Variants in TTC28 observed in about 807,000 individuals in gnomAD.
The protein encoded by TTC28 is tetratricopeptide repeat protein 28.
In TTC28, 61 loss-of-function variants were observed where a neutral mutation model predicts 198.0. The observed-to-expected ratio is 0.31, with a 90% CI of 0.25 to 0.38. TTC28 has a LOEUF of 0.38. Ranked by LOEUF, TTC28 falls within the 10% of genes least tolerant of loss-of-function variation. The pLI, the probability that TTC28 is intolerant of heterozygous loss-of-function variation, is 1.00. For missense variants in TTC28, 2,678 were observed against 3,164.0 expected (o/e 0.85, Z 3.69); for synonymous variants, 1,171 against 1,297.8 (o/e 0.90, Z 2.10).
At chr22:28,129,305 C>T (rs1274139137) in intron 6 of TTC28, among the ~76,000 whole-genome samples, 1 of 152,162 alleles carries the variant, frequency 6.6e-6, no homozygotes, top group African/African-American at 2.4e-5. Context: ...TTTAAAATCC[C>T]AATGTCAGAT....
chr22:28,230,994 C>T (rs749984096), intron 5 of TTC28, among the ~76,000 whole-genome samples: 6 of 152,118 alleles, frequency 3.9e-5, no homozygotes, highest in Non-Finnish European at 7.4e-5. Context: ...ATAATAAATA[C>T]TAGTATATAA....
intron 19 of TTC28, among the ~76,000 whole-genome samples, chr22:27,991,186 C>T (rs1384931256): frequency 2.0e-5 from 3 of 152,182 alleles, no homozygotes; most frequent in East Asian, 1.9e-4. Context: ...GGGGCAGCCT[C>T]GGGACATGTC....
chr22:28,013,607 AC>A (rs1938240474), intron 14 of TTC28, among the ~76,000 whole-genome samples: 2 of 152,190 alleles, frequency 1.3e-5, no homozygotes, highest in Non-Finnish European at 2.9e-5. Context: ...ACTCCATCTC[AC>A]CAGAAAGCAT....
At chr22:28,632,427 C>T (rs1732446569) in intron 1 of TTC28, among the ~76,000 whole-genome samples, 1 of 151,592 alleles carries the variant, frequency 6.6e-6, no homozygotes, top group Non-Finnish European at 1.5e-5. Flanking sequence ...CAGGCATGCA[C>T]CAATATTCAA....
chr22:28,563,274 T>C (rs2049919608), intron 2 of TTC28, among the ~76,000 whole-genome samples: 1 of 152,170 alleles, frequency 6.6e-6, no homozygotes, highest in Admixed American at 6.5e-5. Context: ...CCACAGAAAA[T>C]GTCAATGATG....
At chr22:28,298,013 A>G (rs2044934764) in intron 3 of TTC28, among the ~76,000 whole-genome samples, 161 bp from the exon 4 acceptor site, 1 of 152,178 alleles carries the variant, frequency 6.6e-6, no homozygotes, top group South Asian at 2.1e-4. Context: ...CTTATCTCAT[A>G]TGACTAGCAT....
At chr22:28,386,466 G>C (rs1417454281) in intron 2 of TTC28, among the ~76,000 whole-genome samples, 1 of 152,018 alleles carries the variant, frequency 6.6e-6, no homozygotes, top group Admixed American at 6.6e-5. Flanking sequence ...CATTCAGAAA[G>C]AGTCTGTTGA....
At chr22:28,020,778 A>AACAC (rs34174077) in intron 13 of TTC28, among the ~76,000 whole-genome samples, 11,043 of 148,956 alleles carry the variant, frequency 0.074, 416 homozygotes, top group Non-Finnish European at 0.083. Flanking sequence ...CCCCTCCCCC[A>AACAC]ACACACACAC....
intron 2 of TTC28, among the ~76,000 whole-genome samples, chr22:28,387,319 T>C (rs562209538): frequency 7.9e-5 from 12 of 152,348 alleles, no homozygotes; most frequent in African/African-American, 2.4e-4. Flanking sequence ...TGCATGTGTC[T>C]TTATAGCAGC....
chr22:28,285,388 A>G (rs2044664333), intron 5 of TTC28, among the ~76,000 whole-genome samples: 1 of 152,210 alleles, frequency 6.6e-6, no homozygotes, highest in Non-Finnish European at 1.5e-5. Context: ...AGAGTAGAAC[A>G]GTGGTTGCCA....
intron 2 of TTC28, among the ~76,000 whole-genome samples, chr22:28,466,420 A>G (rs2048021378): frequency 6.6e-6 from 1 of 152,186 alleles, no homozygotes; most frequent in East Asian, 1.9e-4. Flanking sequence ...TCCTTCCTCT[A>G]TATTGCAGGT....
chr22:28,360,955 AT>A (rs1237932770), intron 2 of TTC28, among the ~76,000 whole-genome samples: 1 of 152,160 alleles, frequency 6.6e-6, no homozygotes, highest in African/African-American at 2.4e-5. Context: ...TTGTTTTGGG[AT>A]ACCACAATGC....
intron 2 of TTC28, among the ~76,000 whole-genome samples, chr22:28,540,846 A>T (rs2049396211): frequency 6.6e-6 from 1 of 152,234 alleles, no homozygotes. Flanking sequence ...TAGTTTGAAT[A>T]TGTCTAAAAC....
chr22:28,157,284 A>C (rs777347379), intron 6 of TTC28, among the ~76,000 whole-genome samples: 10 of 152,214 alleles, frequency 6.6e-5, no homozygotes, highest in Non-Finnish European at 1.3e-4. Flanking sequence ...GACTGACAAC[A>C]AGCAATGAGA....
chr22:28,555,986 A>G (rs1056446969), intron 2 of TTC28, among the ~76,000 whole-genome samples: 5 of 151,714 alleles, frequency 3.3e-5, no homozygotes, highest in African/African-American at 9.7e-5. Flanking sequence ...TTCTGAGATC[A>G]TTTTCCTTCG....
intron 5 of TTC28, among the ~76,000 whole-genome samples, chr22:28,188,575 C>G (rs1315373541): frequency 2.0e-5 from 3 of 152,112 alleles, no homozygotes; most frequent in Non-Finnish European, 1.5e-5. Flanking sequence ...AGATGGGGGC[C>G]TACTGTCTGG....
At chr22:28,605,631 T>C (rs113855268) in intron 2 of TTC28, among the ~76,000 whole-genome samples, 1,548 of 152,324 alleles carry the variant, frequency 0.01, 34 homozygotes, top group East Asian at 0.084. Context: ...CTTCCCCTGC[T>C]AGAACCACCA....
intron 2 of TTC28, among the ~76,000 whole-genome samples, chr22:28,543,104 T>C (rs2049452813): frequency 1.3e-5 from 2 of 152,060 alleles, no homozygotes; most frequent in South Asian, 4.2e-4. Flanking sequence ...GGAGGCCAAG[T>C]TGTGAGGACT....
At chr22:28,560,001 T>C (rs1405758001) in intron 2 of TTC28, among the ~76,000 whole-genome samples, 1 of 152,166 alleles carries the variant, frequency 6.6e-6, no homozygotes, top group African/African-American at 2.4e-5. Flanking sequence ...ATCTCAAATT[T>C]AATATCTAAA....
Sources: gnomAD v4.1 joint callset for allele counts (sites outside exome capture counted in the v4.1 genomes callset) on GRCh38, gnomAD v4.1.1 for gene constraint, MANE v1.5 for transcripts, NCBI Gene and HGNC (gene_info 2026-07-23, HGNC 2026-07-21) for gene names.